Variants in PIK3C2G observed in about 807,000 individuals in gnomAD.
PIK3C2G encodes phosphatidylinositol 3-kinase C2 domain-containing subunit gamma.
A neutral mutation model predicts 181.1 loss-of-function variants in PIK3C2G; 168 were observed. That is an observed-to-expected ratio of 0.93 (90% confidence interval 0.82 to 1.05). The LOEUF (loss-of-function observed/expected upper bound fraction) is 1.05, where lower values mean the gene tolerates loss of function less well. PIK3C2G is among the 50% of genes least tolerant of loss of function. The probability of loss-of-function intolerance (pLI) is 0.00; values close to 1 mark genes in which losing one functional copy is unlikely to be tolerated. For missense variants in PIK3C2G, 1,869 were observed against 1,732.8 expected (o/e 1.08, Z -1.40); for synonymous variants, 573 against 592.2 (o/e 0.97, Z 0.47).
In PIK3C2G at chr12:18,286,967, T is replaced by G. The variant is rs763005521; in HGVS notation, c.761+38T>G. The G allele has an allele frequency of 2.7e-6, 3 of 1,103,346 alleles. No homozygotes were observed. In the East Asian group the frequency reaches 8.0e-5, roughly 29 times the overall value. The allele number at this position is 1,103,346 out of a possible 1,614,324, so 68.3% of individuals were successfully genotyped here. ...ATTTCATTAAACTTTGAAATTTTTG[T>G]GCCTGAATAAATTTGTGTATTTTGA... On this transcript the variant is annotated intron_variant, in intron 3 of 32. Transcript: ENST00000538779.
chr12:18,330,395 A>C (rs575999066), intron 8 of PIK3C2G, among the ~76,000 whole-genome samples: 1 of 152,262 alleles, frequency 6.6e-6, no homozygotes, highest in African/African-American at 2.4e-5. Context: ...ACTTTTATAT[A>C]AATGGAATCT....
chr12:18,586,127 C>T (rs1436908566), intron 29 of PIK3C2G, among the ~76,000 whole-genome samples: 1 of 152,056 alleles, frequency 6.6e-6, no homozygotes, highest in Non-Finnish European at 1.5e-5. Context: ...CCTAACATCA[C>T]AACTAAAAGA....
intron 23 of PIK3C2G, among the ~76,000 whole-genome samples, chr12:18,504,949 G>GA (rs1258316156): frequency 2.0e-5 from 3 of 151,428 alleles, no homozygotes; most frequent in South Asian, 2.1e-4. Flanking sequence ...CTTTTACTTT[G>GA]AAAAAAAATC....
intron 12 of PIK3C2G, among the ~76,000 whole-genome samples, chr12:18,368,510 C>T (rs1941801508): frequency 6.6e-6 from 1 of 152,210 alleles, no homozygotes; most frequent in Non-Finnish European, 1.5e-5. Flanking sequence ...TGGCATCTCA[C>T]AATTATCATT....
intron 16 of PIK3C2G, among the ~76,000 whole-genome samples, chr12:18,420,060 C>A (rs1945393769): frequency 6.6e-6 from 1 of 152,104 alleles, no homozygotes; most frequent in Non-Finnish European, 1.5e-5. Context: ...AAATAAATTA[C>A]TATAAGCAGT....
At chr12:18,263,291 G>T (rs1261805536) in intron 1 of PIK3C2G, among the ~76,000 whole-genome samples, 7 of 151,952 alleles carry the variant, frequency 4.6e-5, no homozygotes, top group Admixed American at 3.9e-4. Flanking sequence ...TGACTACATT[G>T]GGGACAGAGA....
At chr12:18,258,404 G>T (rs1236088151), upstream of PIK3C2G, among the ~76,000 whole-genome samples, 1 of 151,910 alleles carries the variant, frequency 6.6e-6, no homozygotes, top group East Asian at 1.9e-4. Flanking sequence ...CTGTCTACCT[G>T]AAATTTTGGT....
chr12:18,563,181 C>T (rs759860650), intron 27 of PIK3C2G, among the ~76,000 whole-genome samples, 196 bp from the exon 28 acceptor site: 2 of 152,090 alleles, frequency 1.3e-5, no homozygotes, highest in Non-Finnish European at 2.9e-5. Context: ...GCAATCTGTT[C>T]CTAGCACATA....
intron 16 of PIK3C2G, among the ~76,000 whole-genome samples, chr12:18,414,422 C>T (rs1269746771): frequency 6.6e-6 from 1 of 152,008 alleles, no homozygotes; most frequent in Non-Finnish European, 1.5e-5. Flanking sequence ...TCCTTCTCAT[C>T]TTTTTGTTAA....
At chr12:18,471,985 A>G (rs970303949) in intron 18 of PIK3C2G, among the ~76,000 whole-genome samples, 1 of 152,158 alleles carries the variant, frequency 6.6e-6, no homozygotes, top group Non-Finnish European at 1.5e-5. Context: ...AAAAATCAGA[A>G]TGGAATACTC....
At chr12:18,580,101 C>T (rs1008345287) in intron 29 of PIK3C2G, among the ~76,000 whole-genome samples, 2 of 150,502 alleles carry the variant, frequency 1.3e-5, no homozygotes, top group African/African-American at 4.9e-5. Context: ...CCACTGCACT[C>T]CAGCCTGGCA....
At chr12:18,640,137 T>G (rs1296548269) in intron 31 of PIK3C2G, among the ~76,000 whole-genome samples, 1 of 151,966 alleles carries the variant, frequency 6.6e-6, no homozygotes, top group African/African-American at 2.4e-5. Flanking sequence ...TCTGTCAAAA[T>G]GCAAATTTAG....
At chr12:18,618,645 C>T (rs1300366840) in intron 31 of PIK3C2G, among the ~76,000 whole-genome samples, 2 of 152,032 alleles carry the variant, frequency 1.3e-5, no homozygotes, top group African/African-American at 4.8e-5. Context: ...CTGAAATGAT[C>T]CAGATTTTGG....
intron 25 of PIK3C2G, 24 bp downstream of exon 25, chr12:18,538,336 C>T: frequency 6.4e-7 from 1 of 1,554,818 alleles, no homozygotes; most frequent in Non-Finnish European, 8.7e-7. Context: ...GAAAAAAAAA[C>T]AAAAATAATA....
intron 19 of PIK3C2G, 68 bp from the exon 20 acceptor site, chr12:18,491,383 T>C (rs1431448948): frequency 1.2e-6 from 1 of 836,818 alleles, no homozygotes; most frequent in African/African-American, 1.7e-5. Flanking sequence ...TAGAAGAAAA[T>C]TATAACCTGA....
chr12:18,510,204 C>G (rs567171590), intron 24 of PIK3C2G, among the ~76,000 whole-genome samples: 1 of 152,262 alleles, frequency 6.6e-6, no homozygotes, highest in Non-Finnish European at 1.5e-5. Flanking sequence ...CTCCTAGGCT[C>G]AAACAATTTG....
intron 5 of PIK3C2G, among the ~76,000 whole-genome samples, chr12:18,303,392 T>C (rs1014635426): frequency 6.6e-6 from 1 of 151,846 alleles, no homozygotes; most frequent in African/African-American, 2.4e-5. Flanking sequence ...TGAAGTGCAG[T>C]GGCATGATCT....
At chr12:18,708,156 T>C in the PIK3C2G span, among the ~76,000 whole-genome samples, 3 of 152,208 alleles carry the variant, frequency 2.0e-5, no homozygotes, top group African/African-American at 7.2e-5. Flanking sequence ...CTGACCTACC[T>C]TTCTCCATTT....
intron 16 of PIK3C2G, among the ~76,000 whole-genome samples, chr12:18,419,408 T>C (rs529279868): frequency 1.2e-4 from 19 of 152,332 alleles, no homozygotes; most frequent in African/African-American, 4.3e-4. Context: ...GTCCTCACAC[T>C]GACCTTGATG....
Sources: gnomAD v4.1 joint callset for allele counts (sites outside exome capture counted in the v4.1 genomes callset) on GRCh38, gnomAD v4.1.1 for gene constraint, MANE v1.5 for transcripts, NCBI Gene and HGNC (gene_info 2026-07-23, HGNC 2026-07-21) for gene names.